Variants in GRIN3A observed in about 807,000 individuals in gnomAD.
GRIN3A encodes the protein glutamate receptor ionotropic, NMDA 3A.
In GRIN3A, 47 loss-of-function variants were observed where a neutral mutation model predicts 92.4. The observed-to-expected ratio is 0.51, with a 90% CI of 0.40 to 0.65. The LOEUF is 0.65. Among genes scored for constraint, GRIN3A ranks in the 30% least tolerant of loss-of-function variants. GRIN3A has a pLI of 0.00. For synonymous variants in GRIN3A, 527 were observed against 540.6 expected, an observed-to-expected ratio of 0.97 and a Z score of 0.35; for missense variants, 1,324 against 1,393.1, an observed-to-expected ratio of 0.95 and a Z score of 0.79.
Position 101,737,824 on chromosome 9 carries a change from C to A in GRIN3A, c.156G>T (p.Ala52=), listed in dbSNP as rs777027741. ...CGGTGGTCCAGGGCTGCAAGTGCAC[C>A]GCGCCCACCCTCACCGCGTGCCCGA... is the stretch of plus-strand genomic sequence containing the variant. ...KRIGHAVRVG[A]VHLQPWTTAP... is the part of the protein sequence containing the mutation. Residue 52 remains alanine (A), a synonymous_variant, in exon 1 of 9, where the codon GCG becomes GCT. Coordinates refer to ENST00000361820, the MANE Select transcript of GRIN3A (RefSeq NM_133445.3). The A allele has an allele frequency of 2.0e-6, 3 of 1,532,150 alleles. No homozygotes were observed. Among genetic ancestry groups the A allele is most frequent in the Non-Finnish European group, 1.7e-6 (2 of 1,145,452 alleles). The allele number at this position is 1,532,150 out of a possible 1,614,324, so 94.9% of individuals were successfully genotyped here.
intron 2 of GRIN3A, among the ~76,000 whole-genome samples, chr9:101,684,299 A>G (rs1182368521): frequency 1.8e-5 from 2 of 111,190 alleles, no homozygotes; most frequent in Non-Finnish European, 1.8e-5. Flanking sequence ...TTTTTTGTGC[A>G]GACGGGGTTT....
At chr9:101,616,270 G>A (rs1016772715) in intron 5 of GRIN3A, among the ~76,000 whole-genome samples, 18 of 152,290 alleles carry the variant, frequency 1.2e-4, no homozygotes, top group African/African-American at 4.3e-4. Flanking sequence ...ATTGGCAACA[G>A]CATTCATTAT....
chr9:101,625,079 G>A (rs1298926627), intron 4 of GRIN3A, among the ~76,000 whole-genome samples: 2 of 152,142 alleles, frequency 1.3e-5, no homozygotes, highest in African/African-American at 2.4e-5. Context: ...CCCAGTTAAA[G>A]TGTAAGTTTC....
intron 2 of GRIN3A, among the ~76,000 whole-genome samples, chr9:101,678,477 T>C (rs1009069220): frequency 9.9e-5 from 15 of 152,148 alleles, no homozygotes; most frequent in Non-Finnish European, 1.9e-4. Flanking sequence ...CTTTTAAAAT[T>C]GCATACAAGG....
chr9:101,601,865 A>C (rs1828215448), intron 6 of GRIN3A, among the ~76,000 whole-genome samples: 1 of 152,150 alleles, frequency 6.6e-6, no homozygotes, highest in Non-Finnish European at 1.5e-5. Context: ...TCAACCAAAC[A>C]TGTCTGCAAT....
chr9:101,736,561 C>T (rs566986268), intron 1 of GRIN3A, among the ~76,000 whole-genome samples: 1 of 152,170 alleles, frequency 6.6e-6, no homozygotes, highest in South Asian at 2.1e-4. Context: ...GAATACCAGC[C>T]TCTGAGTCCA....
At chr9:101,641,983 A>G (rs1206700075) in intron 3 of GRIN3A, among the ~76,000 whole-genome samples, 2 of 152,134 alleles carry the variant, frequency 1.3e-5, no homozygotes, top group African/African-American at 2.4e-5. Flanking sequence ...TAAAAAGTTG[A>G]TGATTTTGTA....
rs1421476762 is a variant in GRIN3A, at chr9:101,625,242, G to T, written c.2499-1809C>A. On this transcript the variant is annotated intron_variant, in intron 4 of 8. Coordinates refer to ENST00000361820, the MANE Select transcript of GRIN3A (RefSeq NM_133445.3). ...GAAAGGATTTTCTACCCTTAGAGTT[G>T]TCCAAACAGCTTTGCAAAAAGAATA... Among the ~76,000 whole-genome samples, 10 of 152,190 alleles carry T rather than the reference G, an allele frequency of 6.6e-5. No individual in the cohort carries two copies. In the East Asian group the frequency reaches 1.9e-3, roughly 29 times the overall value.
chr9:101,696,820 T>G (rs768580157), intron 1 of GRIN3A, among the ~76,000 whole-genome samples: 4 of 152,164 alleles, frequency 2.6e-5, no homozygotes, highest in Non-Finnish European at 5.9e-5. Flanking sequence ...GCATTAAGAA[T>G]GAAAACTCAG....
At chr9:101,575,801 G>A (rs912056965) in intron 8 of GRIN3A, among the ~76,000 whole-genome samples, 1 of 152,158 alleles carries the variant, frequency 6.6e-6, no homozygotes, top group African/African-American at 2.4e-5. Context: ...GCATTCTAAT[G>A]CCCTACAATG....
intron 6 of GRIN3A, among the ~76,000 whole-genome samples, chr9:101,581,767 A>G (rs1827890396): frequency 6.6e-6 from 1 of 152,240 alleles, no homozygotes; most frequent in Non-Finnish European, 1.5e-5. Flanking sequence ...ACAGGGCCAC[A>G]CTAGGCAAAT....
intron 1 of GRIN3A, among the ~76,000 whole-genome samples, chr9:101,689,091 C>G (rs994071363): frequency 1.3e-5 from 2 of 152,132 alleles, no homozygotes; most frequent in African/African-American, 4.8e-5. Context: ...TTTTGCCCTC[C>G]TCTTTTAGCT....
chr9:101,627,194 G>A (rs551345217), intron 4 of GRIN3A, among the ~76,000 whole-genome samples: 54 of 152,326 alleles, frequency 3.5e-4, no homozygotes, highest in African/African-American at 1.2e-3. Flanking sequence ...ATGTCAGAGA[G>A]AGACTGTAAT....
At chr9:101,723,446 C>T (rs1166319982) in intron 1 of GRIN3A, among the ~76,000 whole-genome samples, 2 of 152,144 alleles carry the variant, frequency 1.3e-5, no homozygotes, top group African/African-American at 4.8e-5. Flanking sequence ...CTCATAAAAG[C>T]AGCGTGGACC....
intron 1 of GRIN3A, among the ~76,000 whole-genome samples, chr9:101,688,591 A>T (rs1049944738): frequency 6.6e-6 from 1 of 152,102 alleles, no homozygotes; most frequent in African/African-American, 2.4e-5. Flanking sequence ...ACTGCTGTTC[A>T]TGGTAGGGAG....
chr9:101,697,444 C>T (rs1340526630), intron 1 of GRIN3A, among the ~76,000 whole-genome samples: 1 of 152,090 alleles, frequency 6.6e-6, no homozygotes, highest in Non-Finnish European at 1.5e-5. Flanking sequence ...GACCTCAGGC[C>T]CAGGACCATG....
rs35988009 is a variant in GRIN3A at position 101,610,619 on chromosome 9, A to ATCTATCTATCTATCTG, written c.2766+2756_2766+2757insCAGATAGATAGATAGA. Reference sequence around the variant, plus strand: ...TATCTATCTATCTATCTATCTATCTATCTATCATCTATCTATCTACATTTT... The same window carrying ATCTATCTATCTATCTG: ...TATCTATCTATCTATCTATCTATCTATCTATCTATCTATCTGTCTATCATCTATCTATCTACATTTT... On this transcript the variant is annotated intron_variant, in intron 6 of 8. Coordinates refer to ENST00000361820, the MANE Select transcript of GRIN3A (RefSeq NM_133445.3). Among the ~76,000 whole-genome samples, 291 of 150,618 alleles carry ATCTATCTATCTATCTG rather than the reference A, an allele frequency of 1.9e-3. 2 individuals carry two copies. The highest frequency in any genetic ancestry group is 6.9e-3 in the East Asian group (35 of 5,090).
At chr9:101,618,388 A>G (rs1453378123) in intron 5 of GRIN3A, among the ~76,000 whole-genome samples, 2 of 152,156 alleles carry the variant, frequency 1.3e-5, no homozygotes, top group Non-Finnish European at 2.9e-5. Flanking sequence ...TGGGCAAAGG[A>G]CATGAACAGA....
chr9:101,627,426 G>A (rs75781194), intron 4 of GRIN3A, among the ~76,000 whole-genome samples: 3 of 152,242 alleles, frequency 2.0e-5, no homozygotes, highest in Admixed American at 6.5e-5. Flanking sequence ...AGAATTTGAG[G>A]TGGCAGATCC....
Sources: gnomAD v4.1 joint callset for allele counts (sites outside exome capture counted in the v4.1 genomes callset) on GRCh38, gnomAD v4.1.1 for gene constraint, MANE v1.5 for transcripts, NCBI Gene and HGNC (gene_info 2026-07-23, HGNC 2026-07-21) for gene names.